Variants in PYCR1 observed in about 807,000 individuals in gnomAD.
The protein encoded by PYCR1 is pyrroline-5-carboxylate reductase 1, also known as pyrroline-5-carboxylate reductase 1, mitochondrial.
In PYCR1, 19 loss-of-function variants were observed where a neutral mutation model predicts 22.9. The ratio of observed to expected loss-of-function variants is 0.83; its 90% CI spans 0.58 to 1.22. The LOEUF (loss-of-function observed/expected upper bound fraction) is 1.22, where lower values mean the gene tolerates loss of function less well. Ranked by LOEUF, PYCR1 falls within the 50% of genes most tolerant of loss-of-function variation. The pLI, the probability that PYCR1 is intolerant of heterozygous loss-of-function variation, is 0.00. For missense variants in PYCR1, 429 were observed against 431.3 expected (o/e 0.99, Z 0.05); for synonymous variants, 175 against 180.5 (o/e 0.97, Z 0.24).
chr17:81,933,856 CA>C (rs1305650045), intron 6 of PYCR1, among the ~76,000 whole-genome samples: 3 of 152,258 alleles, frequency 2.0e-5, no homozygotes, highest in Non-Finnish European at 4.4e-5. Context: ...AGGCAAACAG[CA>C]AACTCTGTCT....
At position 81,935,398 on chromosome 17, in the gene PYCR1, A is replaced by G. The variant is rs1377382277; in HGVS notation, c.257T>C (p.Ile86Thr). 7.4e-6 allele frequency: 12 copies of G among 1,613,528 alleles called. No homozygotes were observed. Among genetic ancestry groups the G allele is most frequent in the South Asian group, 3.3e-5 (3 of 91,062 alleles). The change falls in exon 3 of 7, where the codon ATT becomes ACT. Residue 86 changes from isoleucine (I) to threonine (T), a missense_variant. Coordinates refer to ENST00000329875, the MANE Select transcript of PYCR1 (RefSeq NM_006907.4). Reference sequence around the variant, plus strand: ...GGACACCACAATGTGTCTGTCCTCAATGTCGGCGCCTATTTCATCCAGGAT... The same window carrying G: ...GGACACCACAATGTGTCTGTCCTCAGTGTCGGCGCCTATTTCATCCAGGAT... ...PFILDEIGAD[I>T]EDRHIVVSCA...
chr17:81,936,602 TA>T, intron 1 of PYCR1, 145 bp downstream of exon 1: 1 of 884,654 alleles, frequency 1.1e-6, no homozygotes, highest in Non-Finnish European at 1.8e-6. Flanking sequence ...ACAGCACAGG[TA>T]AAGCCCCAAA....
Position 81,935,143 on chromosome 17 carries a change from A to G in PYCR1, c.323T>C (p.Leu108Pro), listed in dbSNP as rs1425334301. 1.9e-6 allele frequency: 3 copies of G among 1,606,066 alleles called. No homozygotes were observed. Among genetic ancestry groups the G allele is most frequent in the Non-Finnish European group, 2.5e-6 (3 of 1,179,254 alleles). Residue 108 changes from leucine (L) to proline (P), a missense_variant, in exon 4 of 7, where the codon CTG becomes CCG. Transcript: ENST00000329875. ...CCTGGGGGCTGGCCGAAACGCTGAC[A>G]GCTTCTGGAAGAGAAACCAGCGTGT... Reference protein sequence around the residue: ...GVTISSIEKKLSAFRPAPRVI... With the variant: ...GVTISSIEKKPSAFRPAPRVI...
In PYCR1 at chr17:81,935,485, T is replaced by C; in HGVS notation, c.170A>G (p.Lys57Arg). 6.2e-7 allele frequency: 1 copy of C among 1,612,424 alleles called. No homozygotes were observed. Among genetic ancestry groups the C allele is most frequent in the Non-Finnish European group, 8.5e-7 (1 of 1,179,470 alleles). The change falls in exon 3 of 7, where the codon AAG (lysine) becomes AGG (arginine). Residue 57 changes from lysine (K) to arginine (R), a missense_variant. Physicochemically the swap from Lys to Arg is conservative, Grantham distance 26. Transcript: ENST00000329875. ...CACATCACTGTGCTGCACCGTCTCC[T>C]TGTTGTGGGGTGTCAACTTCACCCC... ...KMGVKLTPHN[K>R]ETVQHSDVLF... is the part of the protein sequence containing the mutation.
At chr17:81,935,565 C>A (rs970878596) in intron 2 of PYCR1, 49 bp from the exon 3 acceptor site, 8 of 1,534,830 alleles carry the variant, frequency 5.2e-6, no homozygotes, top group Non-Finnish European at 7.0e-6. Flanking sequence ...CTGTCTGTAC[C>A]CCCACCAAGC....
Position 81,937,171 on chromosome 17 carries a change from C to G in PYCR1, c.-357G>C, listed in dbSNP as rs1016283214. ...GTCTGGGTTCCCACCCCGCCCAGAA[C>G]TGGGCTACCGTCGCGCCCCACCCGG... On this transcript the variant is annotated 5_prime_UTR_variant, in exon 1 of 7. Transcript: ENST00000329875. The G allele has an allele frequency of 2.0e-6, 3 of 1,471,876 alleles. No homozygotes were observed. The highest frequency in any genetic ancestry group is 2.7e-6 in the Non-Finnish European group (3 of 1,117,814). 91.2% of individuals were successfully genotyped at this position (1,471,876 alleles called of 1,614,324 possible).
intron 2 of PYCR1, among the ~76,000 whole-genome samples, chr17:81,935,753 A>T (rs780760251): frequency 4.6e-5 from 7 of 152,178 alleles, no homozygotes; most frequent in Non-Finnish European, 8.8e-5. Flanking sequence ...CATGCCACCA[A>T]TCTGCCCCCA....
intron 2 of PYCR1, 50 bp downstream of exon 2, chr17:81,936,073 C>T (rs199613590): frequency 6.2e-7 from 1 of 1,601,260 alleles, no homozygotes; most frequent in East Asian, 2.2e-5. Flanking sequence ...GCCTCTCACA[C>T]CCAGCCCCAC....
chr17:81,934,780 G>A (rs1312712271), intron 4 of PYCR1, 35 bp from the exon 5 acceptor site: 3 of 1,540,320 alleles, frequency 1.9e-6, no homozygotes, highest in Non-Finnish European at 1.8e-6. Flanking sequence ...CTCTCTCCTG[G>A]GCTTCTCCTC....
Position 81,934,405 on chromosome 17 carries a change from G to C in PYCR1, c.718C>G (p.His240Asp). The change falls in exon 6 of 7, where the codon CAT (histidine) becomes GAT (aspartate). Residue 240 changes from histidine (H) to aspartate (D), a missense_variant. Transcript: ENST00000329875. ...CCACTCTCCAGCACATGCAAGGCAT[G>C]GATGGTGGCCCCACCAGGAGAGCTG... ...NVSSPGGATI[H>D]ALHVLESGGF... The C allele has an allele frequency of 3.1e-6, 5 of 1,612,330 alleles. No homozygotes were observed. Among genetic ancestry groups the C allele is most frequent in the Non-Finnish European group, 4.2e-6 (5 of 1,179,806 alleles).
chr17:81,936,350 C>T (rs926850642), intron 1 of PYCR1, among the ~76,000 whole-genome samples, 157 bp from the exon 2 acceptor site: 1 of 152,122 alleles, frequency 6.6e-6, no homozygotes, highest in Non-Finnish European at 1.5e-5. Context: ...CTCAGCCTCC[C>T]GAGTAGCTGG....
Position 81,934,998 on chromosome 17 carries a change from C to A in PYCR1, c.468G>T (p.Val156=). The change falls in exon 4 of 7, where the codon GTG becomes GTT. Residue 156 remains valine (V), a synonymous_variant. Transcript: ENST00000329875. ...GRLMEQLLSS[V]GFCTEVEEDL... ...CCTCTTCCACCTCCGTGCAGAAGCCCACGCTGCTCAGCAGCTGCTCCATGA... is the reference window on the plus strand; with the variant it reads ...CCTCTTCCACCTCCGTGCAGAAGCCAACGCTGCTCAGCAGCTGCTCCATGA... 6.2e-7 allele frequency: 1 copy of A among 1,610,064 alleles called. No homozygotes were observed. Among genetic ancestry groups the A allele is most frequent in the Non-Finnish European group, 8.5e-7 (1 of 1,179,994 alleles).
At position 81,937,186 on chromosome 17, in the gene PYCR1, G is replaced by GC; in HGVS notation, c.-373dup. 6.8e-7 allele frequency: 1 copy of GC among 1,473,110 alleles called. No individual in the cohort carries two copies. Among genetic ancestry groups the GC allele is most frequent in the South Asian group, 1.3e-5 (1 of 75,304 alleles). 91.3% of individuals were successfully genotyped at this position (1,473,110 alleles called of 1,614,324 possible). A position where few individuals can be genotyped will look rare whatever the true frequency, so the allele number is the denominator to read the frequency against. On this transcript the variant is annotated 5_prime_UTR_variant, in exon 1 of 7. It introduces an in-frame stop codon into an upstream open reading frame of the 5' UTR. Coordinates refer to ENST00000329875, the MANE Select transcript of PYCR1 (RefSeq NM_006907.4). ...CCGCCCAGAACTGGGCTACCGTCGCGCCCCACCCGGCGACCGCCGCCCACC... is the reference window on the plus strand; with the variant it reads ...CCGCCCAGAACTGGGCTACCGTCGCGCCCCCACCCGGCGACCGCCGCCCACC...
intron 3 of PYCR1, 88 bp from the exon 4 acceptor site, chr17:81,935,235 T>G: frequency 6.4e-7 from 1 of 1,569,924 alleles, no homozygotes; most frequent in Non-Finnish European, 8.6e-7. Flanking sequence ...GCTCTCCCAG[T>G]GGGCCGGGAC....
At chr17:81,936,295 G>A (rs972681689) in intron 1 of PYCR1, 102 bp from the exon 2 acceptor site, 55 of 1,148,094 alleles carry the variant, frequency 4.8e-5, no homozygotes, top group Non-Finnish European at 5.9e-5. Context: ...GCGCAATCTC[G>A]GCTCACTGCA....
intron 6 of PYCR1, 117 bp from the exon 7 acceptor site, chr17:81,933,493 G>T: frequency 7.9e-7 from 1 of 1,264,308 alleles, no homozygotes; most frequent in Non-Finnish European, 1.1e-6. Flanking sequence ...CCTCACCTCA[G>T]CACCTTTATT....
At position 81,933,341 on chromosome 17, in the gene PYCR1, G is replaced by A; in HGVS notation, c.833C>T (p.Ser278Leu). 1 of 1,613,864 alleles carries A rather than the reference G, an allele frequency of 6.2e-7. No individual in the cohort carries two copies. The highest frequency in any genetic ancestry group is 1.1e-5 in the South Asian group (1 of 91,080). Residue 278 changes from serine (S) to leucine (L), a missense_variant, in exon 7 of 7, where the codon TCA becomes TTA. Coordinates refer to ENST00000329875, the MANE Select transcript of PYCR1 (RefSeq NM_006907.4). ...LQSMADQEQV[S>L]PAAIKKTILD... is the part of the protein sequence containing the mutation. ...GATGGTCTTCTTGATGGCGGCTGGT[G>A]ACACCTGCTCCTGGTCAGCCATGGA...
At chr17:81,933,547 T>C (rs763703759) in intron 6 of PYCR1, among the ~76,000 whole-genome samples, 171 bp from the exon 7 acceptor site, 1 of 152,170 alleles carries the variant, frequency 6.6e-6, no homozygotes, top group Non-Finnish European at 1.5e-5. Flanking sequence ...CTGGGCTCCT[T>C]CTCACCTCAT....
chr17:81,934,094 G>A (rs545997168), intron 6 of PYCR1: 2 of 626,216 alleles, frequency 3.2e-6, no homozygotes, highest in African/African-American at 3.6e-5. Flanking sequence ...GGGAGCACAG[G>A]GCACAGCATC....
Sources: gnomAD v4.1 joint callset for allele counts (sites outside exome capture counted in the v4.1 genomes callset) on GRCh38, gnomAD v4.1.1 for gene constraint, MANE v1.5 for transcripts, NCBI Gene and HGNC (gene_info 2026-07-23, HGNC 2026-07-21) for gene names.